PTPRM: variants seen among roughly 807,000 people sequenced by gnomAD.
PTPRM encodes the protein protein tyrosine phosphatase receptor type M, also known as receptor-type tyrosine-protein phosphatase mu.
In PTPRM, 47 loss-of-function variants were observed where a neutral mutation model predicts 186.7. The observed-to-expected ratio is 0.25, with a 90% CI of 0.20 to 0.32. PTPRM has a LOEUF of 0.32. Ranked by LOEUF, PTPRM falls within the 10% of genes least tolerant of loss-of-function variation. PTPRM has a pLI of 1.00. For missense variants in PTPRM, 1,494 were observed against 1,865.0 expected, an observed-to-expected ratio of 0.80 and a Z score of 3.66; for synonymous variants, 668 against 674.9, an observed-to-expected ratio of 0.99 and a Z score of 0.16.
chr18:7,991,199 C>T (rs1568144640), intron 7 of PTPRM, among the ~76,000 whole-genome samples: 1 of 152,150 alleles, frequency 6.6e-6, no homozygotes. Flanking sequence ...ACACCTCACT[C>T]ACTGTTAAAC....
intron 19 of PTPRM, among the ~76,000 whole-genome samples, chr18:8,259,715 T>A (rs1269680903): frequency 2.0e-5 from 3 of 151,286 alleles, no homozygotes; most frequent in Non-Finnish European, 3.0e-5. Flanking sequence ...TGGTGCCATC[T>A]CAGTTCACTG....
At chr18:7,671,583 CAT>C (rs2039217858) in intron 1 of PTPRM, among the ~76,000 whole-genome samples, 1 of 152,154 alleles carries the variant, frequency 6.6e-6, no homozygotes, top group African/African-American at 2.4e-5. Context: ...GAGAATGTCA[CAT>C]GAGCTGTATA....
chr18:8,149,535 G>A (rs922866036), intron 14 of PTPRM, among the ~76,000 whole-genome samples: 8 of 152,054 alleles, frequency 5.3e-5, no homozygotes, highest in East Asian at 1.9e-4. Context: ...ATTTTGAGCC[G>A]TGTGCATCTT....
chr18:7,744,585 C>T (rs1212036066), intron 1 of PTPRM, among the ~76,000 whole-genome samples: 3 of 152,038 alleles, frequency 2.0e-5, no homozygotes, highest in Admixed American at 6.6e-5. Context: ...AAAATATATT[C>T]CTAGTGCCTA....
intron 2 of PTPRM, among the ~76,000 whole-genome samples, chr18:7,859,369 A>G (rs2047240783): frequency 2.6e-5 from 4 of 152,310 alleles, no homozygotes; most frequent in Admixed American, 6.5e-5. Context: ...CACAGAGCTC[A>G]GATTTCTACC....
At chr18:7,641,642 T>C (rs1195039142) in intron 1 of PTPRM, among the ~76,000 whole-genome samples, 1 of 152,230 alleles carries the variant, frequency 6.6e-6, no homozygotes, top group Non-Finnish European at 1.5e-5. Context: ...CTAACCTTTT[T>C]TGAAGAATTT....
At chr18:8,056,262 A>C (rs950991804) in intron 7 of PTPRM, among the ~76,000 whole-genome samples, 1 of 152,232 alleles carries the variant, frequency 6.6e-6, no homozygotes, top group African/African-American at 2.4e-5. Context: ...TGCTATAGCC[A>C]AAGAAAGAAA....
At chr18:8,223,056 TCTAC>T (rs1223607631) in intron 14 of PTPRM, among the ~76,000 whole-genome samples, 9 of 152,194 alleles carry the variant, frequency 5.9e-5, no homozygotes, top group African/African-American at 1.9e-4. Context: ...AAACCCCGTC[TCTAC>T]TAAGAGTACA....
At chr18:8,054,217 G>A (rs2087724482) in intron 7 of PTPRM, among the ~76,000 whole-genome samples, 1 of 149,022 alleles carries the variant, frequency 6.7e-6, no homozygotes, top group South Asian at 2.1e-4. Flanking sequence ...TTAATTCTCT[G>A]GGCATTTTAA....
At chr18:8,067,269 TAGA>T (rs2089155129) in intron 7 of PTPRM, among the ~76,000 whole-genome samples, 1 of 152,198 alleles carries the variant, frequency 6.6e-6, no homozygotes, top group South Asian at 2.1e-4. Context: ...TGGAGCTTAT[TAGA>T]AGTTTTTATG....
At position 8,358,138 on chromosome 18, in the gene PTPRM, C is replaced by CA. The variant is rs1278986109; in HGVS notation, c.3055-12752_3055-12751insA. 9.9e-5 allele frequency among the ~76,000 whole-genome samples: 15 copies of CA among 150,864 alleles called. No individual in the cohort carries two copies. In the South Asian group the frequency reaches 2.5e-3, roughly 26 times the overall value. ...TTGTTTAAGGCTAGCTATTCCCCCC[C>CA]CCACACACACACACATTTGCCTGCG... On this transcript the variant is annotated intron_variant, in intron 23 of 32. Transcript: ENST00000580170.
intron 14 of PTPRM, among the ~76,000 whole-genome samples, chr18:8,213,071 G>A (rs2094029139): frequency 6.6e-6 from 1 of 152,222 alleles, no homozygotes; most frequent in African/African-American, 2.4e-5. Flanking sequence ...AGAATGATGT[G>A]ACGGACAGAG....
intron 7 of PTPRM, among the ~76,000 whole-genome samples, chr18:8,046,475 C>T (rs2087065146): frequency 6.6e-6 from 1 of 152,170 alleles, no homozygotes; most frequent in Non-Finnish European, 1.5e-5. Context: ...CATCTATTTT[C>T]TATCTTGTAT....
chr18:7,717,616 GAAAAGGC>G (rs1280634042), intron 1 of PTPRM, among the ~76,000 whole-genome samples: 2 of 152,210 alleles, frequency 1.3e-5, no homozygotes, highest in Non-Finnish European at 2.9e-5. Flanking sequence ...TGCCTCATGC[GAAAAGGC>G]AAAGGGCCCA....
intron 1 of PTPRM, among the ~76,000 whole-genome samples, chr18:7,663,981 C>A (rs1598327686): frequency 6.6e-6 from 1 of 152,228 alleles, no homozygotes; most frequent in Non-Finnish European, 1.5e-5. Flanking sequence ...GGCCCGCCAC[C>A]TCAACCCACA....
chr18:8,023,831 G>GACACATACACACAC (rs2085376978), intron 7 of PTPRM, among the ~76,000 whole-genome samples: 1 of 110,184 alleles, frequency 9.1e-6, no homozygotes, highest in African/African-American at 3.1e-5. Context: ...ATTATCAGAA[G>GACACATACACACAC]ACACACACAC....
At chr18:8,286,576 C>T (rs539630774) in intron 19 of PTPRM, among the ~76,000 whole-genome samples, 1 of 152,314 alleles carries the variant, frequency 6.6e-6, no homozygotes, top group South Asian at 2.1e-4. Flanking sequence ...AGAGTATTCA[C>T]ATTCTTCAGT....
chr18:7,774,850 G>A (rs1415010068), intron 2 of PTPRM, among the ~76,000 whole-genome samples: 1 of 152,224 alleles, frequency 6.6e-6, no homozygotes, highest in Non-Finnish European at 1.5e-5. Flanking sequence ...TGTTGGGAGG[G>A]AAAAGTAGGA....
chr18:7,993,004 A>G (rs1340369364), intron 7 of PTPRM, among the ~76,000 whole-genome samples: 3 of 151,914 alleles, frequency 2.0e-5, no homozygotes, highest in Non-Finnish European at 2.9e-5. Context: ...TTACCATCCT[A>G]CCACCACACA....
Sources: allele counts gnomAD v4.1 joint callset (sites outside exome capture counted in the v4.1 genomes callset), GRCh38; gene constraint gnomAD v4.1.1; transcripts MANE v1.5; gene names NCBI Gene and HGNC (gene_info 2026-07-23, HGNC 2026-07-21).